TCF3: variants seen among roughly 807,000 people sequenced by gnomAD.
TCF3 encodes transcription factor E2-alpha.
Under a neutral mutation model 72.3 loss-of-function variants are expected in TCF3, and 54 were observed. The ratio of observed to expected loss-of-function variants is 0.75; its 90% CI spans 0.60 to 0.94. The LOEUF (loss-of-function observed/expected upper bound fraction) is 0.94. Among genes scored for constraint, TCF3 ranks in the 40% least tolerant of loss-of-function variants. The pLI, the probability that TCF3 is intolerant of heterozygous loss-of-function variation, is 0.00. For synonymous variants in TCF3, 525 were observed against 412.6 expected (o/e 1.27, Z -3.30); for missense variants, 1,078 against 934.4 (o/e 1.15, Z -2.00).
At chr19:1,623,079 C>T (rs919110051) in intron 8 of TCF3, among the ~76,000 whole-genome samples, 9 of 152,304 alleles carry the variant, frequency 5.9e-5, no homozygotes, top group South Asian at 2.1e-4. Context: ...CTGACCACGC[C>T]TTTGGCCTGG....
chr19:1,640,018 C>T lies in TCF3; in HGVS notation c.145+6337G>A, dbSNP rs143167658. On this transcript the variant is annotated intron_variant, in intron 3 of 18. Transcript: ENST00000262965. The stretch of plus-strand genomic sequence containing the variant: ...GCAGATTCTCCAGAAGAAAAATCAA[C>T]GAGAGAGAGAAAATGCACAGGGCAG... 4.0e-3 allele frequency among the ~76,000 whole-genome samples: 608 copies of T among 152,218 alleles called. 3 individuals carry two copies. The highest frequency in any genetic ancestry group is 0.013 in the African/African-American group (549 of 41,532).
Position 1,610,867 on chromosome 19 carries a change from A to T in TCF3, c.*840T>A, listed in dbSNP as rs2060928470. 1 of 187,288 alleles carries T rather than the reference A, an allele frequency of 5.3e-6. No homozygotes were observed. Among genetic ancestry groups the T allele is most frequent in the South Asian group, 2.2e-4 (1 of 4,492 alleles). 11.6% of individuals were successfully genotyped at this position (187,288 alleles called of 1,614,324 possible). A position where few individuals can be genotyped will look rare whatever the true frequency, so the allele number is the denominator to read the frequency against. On this transcript the variant is annotated 3_prime_UTR_variant, in exon 19 of 19. Transcript: ENST00000262965. ...TGACAAAACCAAGAGAACCCCCAAC[A>T]TCAAAAAAACAAAAGACCCGCCGCC...
intron 5 of TCF3, among the ~76,000 whole-genome samples, chr19:1,630,404 G>A (rs10426149): frequency 2.6e-5 from 4 of 152,302 alleles, no homozygotes; most frequent in African/African-American, 4.8e-5. Flanking sequence ...CTCCAAGTTC[G>A]AGGCCGGGCA....
chr19:1,629,320 C>T (rs1027213598), intron 5 of TCF3, among the ~76,000 whole-genome samples: 1 of 150,702 alleles, frequency 6.6e-6, no homozygotes, highest in South Asian at 2.1e-4. Flanking sequence ...ATCAGGTTCA[C>T]CGCACAGGCT....
chr19:1,619,996 T>A, intron 13 of TCF3, 143 bp from the exon 14 acceptor site: 1 of 731,074 alleles, frequency 1.4e-6, no homozygotes, highest in Non-Finnish European at 2.3e-6. Context: ...CACCCCACAC[T>A]GATGCAAAGC....
At chr19:1,624,754 CG>C (rs1372630608) in intron 7 of TCF3, among the ~76,000 whole-genome samples, 2 of 152,250 alleles carry the variant, frequency 1.3e-5, no homozygotes, top group Non-Finnish European at 2.9e-5. Flanking sequence ...CCAGCCAAGG[CG>C]GAACAGAGGC....
intron 18 of TCF3, among the ~76,000 whole-genome samples, chr19:1,613,502 C>T (rs1257700186): frequency 2.6e-5 from 4 of 152,178 alleles, no homozygotes; most frequent in Admixed American, 6.5e-5. Flanking sequence ...TCTCTTTGTT[C>T]TTCCCTCCCA....
At chr19:1,631,635 G>T (rs1431054291) in intron 5 of TCF3, among the ~76,000 whole-genome samples, 1 of 152,002 alleles carries the variant, frequency 6.6e-6, no homozygotes, top group Admixed American at 6.6e-5. Flanking sequence ...GCGGTCTGCG[G>T]AAGGGCATGG....
At chr19:1,612,453 C>T in intron 18 of TCF3, 1 of 1,601,626 alleles carries the variant, frequency 6.2e-7, no homozygotes, top group Admixed American at 1.7e-5. Context: ...AGCACCGAGG[C>T]CTCTGTTAGT....
At chr19:1,636,131 C>T (rs994503600) in intron 3 of TCF3, among the ~76,000 whole-genome samples, 1 of 152,128 alleles carries the variant, frequency 6.6e-6, no homozygotes, top group Non-Finnish European at 1.5e-5. Flanking sequence ...CCGGGGGTGG[C>T]CTTTCCTTGG....
At chr19:1,627,232 G>T in intron 6 of TCF3, 127 bp downstream of exon 6, 2 of 243,720 alleles carry the variant, frequency 8.2e-6, no homozygotes, top group Non-Finnish European at 1.6e-5. Flanking sequence ...CCCAAGCCCA[G>T]CCTGGTTTCG....
rs113369704 is a variant in TCF3, at chr19:1,648,821, G to T, written c.72+1356C>A. ...CCCAAACGCTGCCACTGGGCATGGG[G>T]GGGGGGGGGGAGCAGAATTTAAGGA... On this transcript the variant is annotated intron_variant, in intron 2 of 18. Transcript: ENST00000262965. Among the ~76,000 whole-genome samples the T allele has an allele frequency of 9.8e-4, 110 of 111,940 alleles. 2 individuals are homozygous for T. Among genetic ancestry groups the T allele is most frequent in the African/African-American group, 3.4e-3 (106 of 31,164 alleles). 73.4% of individuals were successfully genotyped at this position (111,940 alleles called of 152,430 possible).
intron 11 of TCF3, among the ~76,000 whole-genome samples, 185 bp downstream of exon 11, chr19:1,621,653 A>G (rs2062232999): frequency 6.6e-6 from 1 of 152,160 alleles, no homozygotes; most frequent in Non-Finnish European, 1.5e-5. Flanking sequence ...CTGTTTCCAG[A>G]CATCCCAAGC....
intron 18 of TCF3, among the ~76,000 whole-genome samples, chr19:1,613,275 G>A (rs1186576834): frequency 2.0e-5 from 3 of 152,144 alleles, no homozygotes; most frequent in African/African-American, 4.8e-5. Context: ...GGCTGCCCAG[G>A]TGCAAGTGCC....
In TCF3 at chr19:1,650,175, A is replaced by G; in HGVS notation, c.72+2T>C. 2.6e-6 allele frequency: 4 copies of G among 1,567,204 alleles called. No individual in the cohort carries two copies. Among genetic ancestry groups the G allele is most frequent in the Non-Finnish European group, 3.5e-6 (4 of 1,157,434 alleles). ...GGGGGCTGGGCGGGGGTCCTGGCTC[A>G]CCATGCTGAAGTCCAGGAGGTCACT... On this transcript the variant is annotated splice_donor_variant, in intron 2 of 18. Coordinates refer to ENST00000262965, the MANE Select transcript of TCF3 (RefSeq NM_003200.5). LOFTEE classifies it high-confidence loss of function.
chr19:1,644,822 G>A (rs2065843637), intron 3 of TCF3, among the ~76,000 whole-genome samples: 1 of 142,918 alleles, frequency 7.0e-6, no homozygotes, highest in Non-Finnish European at 1.5e-5. Flanking sequence ...CTCCCCACCA[G>A]GCCCTGCTGT....
chr19:1,612,448 C>T (rs1427636133), intron 18 of TCF3: 3 of 1,527,258 alleles, frequency 2.0e-6, no homozygotes, highest in Admixed American at 1.7e-5. Flanking sequence ...GTCACAGCAC[C>T]GAGGCCTCTG....
In TCF3 at chr19:1,637,907, T is replaced by A. The variant is rs1183533015; in HGVS notation, c.146-5502A>T. Among the ~76,000 whole-genome samples the A allele has an allele frequency of 3.4e-5, 5 of 148,126 alleles. No homozygotes were observed. In the East Asian group the frequency reaches 9.8e-4, roughly 29 times the overall value. The stretch of plus-strand genomic sequence containing the variant: ...CTGGGCAATAGAGCGAGACTCCACC[T>A]CAAAAAAAAAAGAAAAAGAAAAAGA... On this transcript the variant is annotated intron_variant, in intron 3 of 18. Transcript: ENST00000262965.
rs2062806917 is a variant in TCF3 at position 1,625,772 on chromosome 19, A to G, written c.367-64T>C. The G allele has an allele frequency of 2.8e-6, 4 of 1,428,944 alleles. No homozygotes were observed. In the South Asian group the frequency reaches 5.8e-5, roughly 21 times the overall value. The allele number at this position is 1,428,944 out of a possible 1,614,324, so 88.5% of individuals were successfully genotyped here. A position where few individuals can be genotyped will look rare whatever the true frequency, so the allele number is the denominator to read the frequency against. On this transcript the variant is annotated intron_variant, in intron 6 of 18. Coordinates refer to ENST00000262965, the MANE Select transcript of TCF3 (RefSeq NM_003200.5). ...ATCCAGACCCCAGGCTGTTCCATTCAAGAAAAAACTGCAAAGGCCGAAGCC... is the reference window on the plus strand; with the variant it reads ...ATCCAGACCCCAGGCTGTTCCATTCGAGAAAAAACTGCAAAGGCCGAAGCC...
Sources: gnomAD v4.1 joint callset for allele counts (sites outside exome capture counted in the v4.1 genomes callset) on GRCh38, gnomAD v4.1.1 for gene constraint, MANE v1.5 for transcripts, NCBI Gene and HGNC (gene_info 2026-07-23, HGNC 2026-07-21) for gene names.